Variants in RNF13 observed in about 807,000 individuals in gnomAD.
RNF13 encodes the protein ring finger protein 13, also known as E3 ubiquitin-protein ligase RNF13.
RNF13 carries 19 observed loss-of-function variants against 37.7 expected under a neutral mutation model. That is an observed-to-expected ratio of 0.50 (90% CI 0.35 to 0.74). The LOEUF (loss-of-function observed/expected upper bound fraction) is 0.74. Ranked by LOEUF, RNF13 falls within the 30% of genes least tolerant of loss-of-function variation. The pLI, the probability that RNF13 is intolerant of heterozygous loss-of-function variation, is 0.01. For missense variants in RNF13, 375 were observed against 453.0 expected, an observed-to-expected ratio of 0.83 and a Z score of 1.56; for synonymous variants, 144 against 157.8, an observed-to-expected ratio of 0.91 and a Z score of 0.65.
At chr3:149,851,582 C>A (rs1723123778) in intron 2 of RNF13, 1 of 152,126 alleles carries the variant, frequency 6.6e-6, no homozygotes. Flanking sequence ...TCCTTTTTGT[C>A]TATCTTCAAA....
intron 6 of RNF13, among the ~76,000 whole-genome samples, chr3:149,902,550 T>C (rs1192166998): frequency 6.6e-6 from 1 of 152,110 alleles, no homozygotes; most frequent in Non-Finnish European, 1.5e-5. Context: ...CAAAACATTG[T>C]GTTAAGGGAC....
rs778278781 is a variant in RNF13 at position 149,960,917 on chromosome 3, C to T, written c.959C>T (p.Ala320Val). 6 of 1,613,990 alleles carry T rather than the reference C, an allele frequency of 3.7e-6. No homozygotes were observed. Among genetic ancestry groups the T allele is most frequent in the East Asian group, 4.5e-5 (2 of 44,886 alleles). The change falls in exon 10 of 10, where the codon GCC becomes GTC. Residue 320 changes from alanine to valine, a missense_variant. Coordinates refer to ENST00000392894, the MANE Select transcript of RNF13 (RefSeq NM_183381.3). The part of the protein sequence containing the change: ...PLLRPLASVS[A>V]QSFGALSESR... ...CTGAGACCTTTAGCTTCTGTCAGTG[C>T]CCAGTCATTTGGGGCTTTATCGGAA...
intron 3 of RNF13, among the ~76,000 whole-genome samples, chr3:149,858,397 G>T (rs1323489189): frequency 6.6e-6 from 1 of 152,184 alleles, no homozygotes; most frequent in East Asian, 1.9e-4. Flanking sequence ...AGGAGAACAA[G>T]CTTCTCCAGA....
chr3:149,881,532 CGTT>C (rs919657732), intron 4 of RNF13, among the ~76,000 whole-genome samples: 11 of 151,978 alleles, frequency 7.2e-5, no homozygotes, highest in Admixed American at 2.6e-4. Context: ...GGTTTCACCA[CGTT>C]GTCCAGGCTG....
intron 1 of RNF13, 180 bp from the exon 2 acceptor site, chr3:149,845,831 T>C (rs1304397586): frequency 2.0e-6 from 1 of 496,204 alleles, no homozygotes; most frequent in African/African-American, 1.9e-5. Flanking sequence ...CATGGGTGTT[T>C]ACCTAAATGT....
chr3:149,829,929 GA>G (rs1720886973), intron 1 of RNF13, among the ~76,000 whole-genome samples: 1 of 152,016 alleles, frequency 6.6e-6, no homozygotes, highest in African/African-American at 2.4e-5. Context: ...CATGTGAACT[GA>G]TGGTTTTATA....
At position 149,955,416 on chromosome 3, in the gene RNF13, T is replaced by A. The variant is rs141070873; in HGVS notation, c.701-4640T>A. Among the ~76,000 whole-genome samples, 442 of 152,162 alleles carry A rather than the reference T, an allele frequency of 2.9e-3. 3 individuals are homozygous for A. Among genetic ancestry groups the A allele is most frequent in the African/African-American group, 0.01 (430 of 41,538 alleles). ...GGGCTTGGAAATAATCAGAAAGAGT[T>A]CTCAGGCAAATCTGGCTTTTTAAAA... is the stretch of plus-strand genomic sequence containing the variant. On this transcript the variant is annotated intron_variant, in intron 8 of 9. Transcript: ENST00000392894.
At position 149,880,141 on chromosome 3, in the gene RNF13, T is replaced by C. The variant is rs573587668; in HGVS notation, c.321+7987T>C. ...CATCACAGTTACTTTTCAAGTGCAA[T>C]GGAAGTTCCTGTGTTACTTGTGAAA... On this transcript the variant is annotated intron_variant, in intron 4 of 9. Transcript: ENST00000392894. 1.5e-3 allele frequency among the ~76,000 whole-genome samples: 228 copies of C among 152,324 alleles called. 1 individual carries two copies. Among genetic ancestry groups the C allele is most frequent in the African/African-American group, 5.1e-3 (213 of 41,578 alleles).
chr3:149,886,637 A>G (rs1317402537), intron 4 of RNF13, among the ~76,000 whole-genome samples: 1 of 152,186 alleles, frequency 6.6e-6, no homozygotes, highest in Non-Finnish European at 1.5e-5. Flanking sequence ...CCTGTACAAT[A>G]CTAAATAGAA....
chr3:149,917,878 TA>T (rs1209601974), intron 7 of RNF13, among the ~76,000 whole-genome samples: 2 of 152,210 alleles, frequency 1.3e-5, no homozygotes, highest in African/African-American at 4.8e-5. Flanking sequence ...GAGACATAAT[TA>T]ATGTAACTTA....
intron 1 of RNF13, among the ~76,000 whole-genome samples, chr3:149,835,864 A>G (rs1447510830): frequency 1.7e-5 from 2 of 116,958 alleles, no homozygotes; most frequent in Non-Finnish European, 3.6e-5. Context: ...GATCCCCAGT[A>G]CTGGGATTGC....
At chr3:149,845,834 C>CA in intron 1 of RNF13, 177 bp from the exon 2 acceptor site, 1 of 496,852 alleles carries the variant, frequency 2.0e-6, no homozygotes, top group Non-Finnish European at 3.6e-6. Flanking sequence ...GGGTGTTTAC[C>CA]TAAATGTCCA....
intron 8 of RNF13, among the ~76,000 whole-genome samples, chr3:149,936,907 C>G (rs1323692562): frequency 6.6e-6 from 1 of 152,144 alleles, no homozygotes; most frequent in Admixed American, 6.5e-5. Context: ...TTCTTTTCAG[C>G]ACTAGATGGC....
At chr3:149,849,786 A>G (rs1187747518) in intron 2 of RNF13, among the ~76,000 whole-genome samples, 1 of 152,176 alleles carries the variant, frequency 6.6e-6, no homozygotes, top group Non-Finnish European at 1.5e-5. Context: ...GCTTAGCATG[A>G]TGTCTGTACA....
At chr3:149,903,333 T>G (rs116472601) in intron 6 of RNF13, among the ~76,000 whole-genome samples, 1,580 of 152,182 alleles carry the variant, frequency 0.01, 31 homozygotes, top group African/African-American at 0.035. Context: ...TATTTTAATA[T>G]GTATTTTAAA....
intron 4 of RNF13, among the ~76,000 whole-genome samples, chr3:149,891,310 T>A (rs1389491149): frequency 6.6e-6 from 1 of 152,216 alleles, no homozygotes; most frequent in African/African-American, 2.4e-5. Flanking sequence ...AAAAGGTCTC[T>A]ATTCATGATC....
chr3:149,941,643 T>G (rs565724864), intron 8 of RNF13, among the ~76,000 whole-genome samples: 2 of 151,618 alleles, frequency 1.3e-5, no homozygotes, highest in Non-Finnish European at 2.9e-5. Flanking sequence ...GTCCATAAGC[T>G]GCCCCTTCAC....
intron 7 of RNF13, among the ~76,000 whole-genome samples, chr3:149,919,707 G>T (rs1717923675): frequency 6.6e-6 from 1 of 152,152 alleles, no homozygotes; most frequent in Non-Finnish European, 1.5e-5. Flanking sequence ...AAGCTGACAT[G>T]GACATTTGTT....
intron 3 of RNF13, among the ~76,000 whole-genome samples, chr3:149,861,110 GAC>G (rs1231693253): frequency 1.3e-5 from 2 of 151,728 alleles, no homozygotes; most frequent in African/African-American, 4.8e-5. Context: ...CAAAAAAAAA[GAC>G]AGATTTTGGC....
Sources: allele counts gnomAD v4.1 joint callset (sites outside exome capture counted in the v4.1 genomes callset), GRCh38; gene constraint gnomAD v4.1.1; transcripts MANE v1.5; gene names NCBI Gene and HGNC (gene_info 2026-07-23, HGNC 2026-07-21).